The following ROBO1 variants were observed in gnomAD, a reference collection of about 807,000 sequenced individuals.
The protein encoded by ROBO1 is roundabout guidance receptor 1.
ROBO1 carries 149 observed loss-of-function variants against 195.9 expected under a neutral mutation model. The observed-to-expected ratio is 0.76, with a 90% CI of 0.67 to 0.87. The LOEUF (loss-of-function observed/expected upper bound fraction) is 0.87, where lower values mean the gene tolerates loss of function less well. ROBO1 is among the 40% of genes least tolerant of loss of function. The pLI is 0.00. For missense variants in ROBO1, 1,933 were observed against 2,068.3 expected, an observed-to-expected ratio of 0.93 and a Z score of 1.27; for synonymous variants, 816 against 733.2, an observed-to-expected ratio of 1.11 and a Z score of -1.82.
intron 2 of ROBO1, among the ~76,000 whole-genome samples, chr3:79,389,849 G>C (rs2036882839): frequency 6.6e-6 from 1 of 152,098 alleles, no homozygotes; most frequent in Non-Finnish European, 1.5e-5. Flanking sequence ...GGAAGAGTTT[G>C]GAGTTTTCAT....
intron 4 of ROBO1, among the ~76,000 whole-genome samples, chr3:78,853,171 G>A (rs1453446833): frequency 6.6e-6 from 1 of 151,838 alleles, no homozygotes; most frequent in Non-Finnish European, 1.5e-5. Flanking sequence ...TTATATAAGT[G>A]GTTTGAAGAG....
chr3:79,426,187 C>A (rs1438896385), intron 2 of ROBO1, among the ~76,000 whole-genome samples: 5 of 152,062 alleles, frequency 3.3e-5, no homozygotes, highest in Non-Finnish European at 7.4e-5. Flanking sequence ...ATTGCATCAA[C>A]ACCTGATAAA....
intron 5 of ROBO1, among the ~76,000 whole-genome samples, chr3:78,736,686 A>G (rs531228276): frequency 2.6e-5 from 4 of 152,332 alleles, no homozygotes; most frequent in African/African-American, 9.6e-5. Context: ...TATCTTTTTA[A>G]TTGTATTGTC....
intron 2 of ROBO1, among the ~76,000 whole-genome samples, chr3:79,512,467 C>T (rs754385984): frequency 3.9e-5 from 6 of 152,094 alleles, no homozygotes; most frequent in Non-Finnish European, 8.8e-5. Context: ...CCCAAACCTG[C>T]GAACTCGTTA....
At chr3:78,663,567 A>T (rs1175465878) in intron 14 of ROBO1, among the ~76,000 whole-genome samples, 2 of 152,104 alleles carry the variant, frequency 1.3e-5, no homozygotes, top group African/African-American at 4.8e-5. Flanking sequence ...TTGGGTTTGC[A>T]CCCCACCTCG....
chr3:79,330,907 A>C (rs765396568), intron 2 of ROBO1, among the ~76,000 whole-genome samples: 5 of 152,124 alleles, frequency 3.3e-5, no homozygotes, highest in Non-Finnish European at 5.9e-5. Context: ...ACATTGGATT[A>C]TATGAGCCCT....
intron 4 of ROBO1, among the ~76,000 whole-genome samples, chr3:78,782,335 T>C (rs2083702604): frequency 6.6e-6 from 1 of 152,032 alleles, no homozygotes; most frequent in Admixed American, 6.6e-5. Context: ...TAGCTGGGAT[T>C]ATAGGCACCC....
At chr3:79,765,241 C>G (rs1218832828) in intron 1 of ROBO1, among the ~76,000 whole-genome samples, 1 of 152,164 alleles carries the variant, frequency 6.6e-6, no homozygotes, top group Non-Finnish European at 1.5e-5. Context: ...AGTCCAAAAA[C>G]CGTGGCAACA....
chr3:78,863,496 T>C (rs1040005968), intron 4 of ROBO1, among the ~76,000 whole-genome samples: 10 of 152,134 alleles, frequency 6.6e-5, no homozygotes, highest in Admixed American at 1.3e-4. Flanking sequence ...CAAAGGAGGT[T>C]CTGCCGAGGG....
At chr3:78,871,694 C>A (rs331142) in intron 4 of ROBO1, among the ~76,000 whole-genome samples, 104,151 of 148,138 alleles carry the variant, frequency 0.7, 36,822 homozygotes, top group Middle Eastern at 0.78. Context: ...CCTTTCATAG[C>A]GCTCAGTACT....
At chr3:79,190,593 T>C (rs1279825212) in intron 2 of ROBO1, among the ~76,000 whole-genome samples, 9 of 151,570 alleles carry the variant, frequency 5.9e-5, no homozygotes, top group Non-Finnish European at 1.5e-5. Flanking sequence ...AAATCAGTGT[T>C]GTTGCATTGT....
intron 1 of ROBO1, among the ~76,000 whole-genome samples, chr3:79,615,964 G>C (rs1482968918): frequency 6.6e-6 from 1 of 152,196 alleles, no homozygotes; most frequent in Non-Finnish European, 1.5e-5. Flanking sequence ...ATTGCAGCAA[G>C]AGTCTAGCAG....
chr3:78,841,794 T>C (rs906503753), intron 4 of ROBO1, among the ~76,000 whole-genome samples: 3 of 152,064 alleles, frequency 2.0e-5, no homozygotes, highest in Non-Finnish European at 4.4e-5. Flanking sequence ...AAAAGACGAA[T>C]GAGAGAAACA....
chr3:78,943,495 T>C (rs2040253391), intron 3 of ROBO1, among the ~76,000 whole-genome samples: 1 of 152,174 alleles, frequency 6.6e-6, no homozygotes, highest in Admixed American at 6.5e-5. Context: ...TTTTCCATAT[T>C]ATTAAACGCT....
At chr3:78,926,605 G>C (rs558405247) in intron 4 of ROBO1, among the ~76,000 whole-genome samples, 13 of 152,250 alleles carry the variant, frequency 8.5e-5, no homozygotes, top group African/African-American at 3.1e-4. Context: ...TTGGACATTT[G>C]AGCTGCAGGT....
intron 2 of ROBO1, among the ~76,000 whole-genome samples, chr3:79,344,933 G>A (rs2035053124): frequency 1.3e-5 from 2 of 152,056 alleles, no homozygotes; most frequent in African/African-American, 2.4e-5. Flanking sequence ...TTTCTCTCCT[G>A]CTGCCATGTG....
At chr3:79,237,296 C>T (rs947319570) in intron 2 of ROBO1, among the ~76,000 whole-genome samples, 3 of 152,026 alleles carry the variant, frequency 2.0e-5, no homozygotes, top group Admixed American at 1.3e-4. Flanking sequence ...TCCCTGCTAA[C>T]ACGTTGAAAC....
At chr3:78,798,809 T>C (rs1317921012) in intron 4 of ROBO1, among the ~76,000 whole-genome samples, 1 of 152,184 alleles carries the variant, frequency 6.6e-6, no homozygotes, top group Non-Finnish European at 1.5e-5. Context: ...CATACTTTCC[T>C]ATCTGACAAT....
At chr3:79,502,323 CG>C (rs932741863) in intron 2 of ROBO1, among the ~76,000 whole-genome samples, 28 of 152,100 alleles carry the variant, frequency 1.8e-4, no homozygotes, top group Non-Finnish European at 3.1e-4. Flanking sequence ...TCCGGGTGGG[CG>C]GGGGCTCGGC....
Sources: allele counts gnomAD v4.1 joint callset (sites outside exome capture counted in the v4.1 genomes callset), GRCh38; gene constraint gnomAD v4.1.1; transcripts MANE v1.5; gene names NCBI Gene and HGNC (gene_info 2026-07-23, HGNC 2026-07-21).